Variants in GTF2E2 observed in about 807,000 individuals in gnomAD.
GTF2E2 encodes transcription initiation factor IIE subunit beta.
In GTF2E2, 21 loss-of-function variants were observed where a neutral mutation model predicts 40.5. The ratio of observed to expected loss-of-function variants is 0.52; its 90% CI spans 0.37 to 0.75. The LOEUF (loss-of-function observed/expected upper bound fraction) is 0.75, where lower values mean the gene tolerates loss of function less well. Among genes scored for constraint, GTF2E2 ranks in the 30% least tolerant of loss-of-function variants. The probability of loss-of-function intolerance (pLI) is 0.00; values close to 1 mark genes in which losing one functional copy is unlikely to be tolerated. For synonymous variants in GTF2E2, 117 were observed against 121.6 expected (o/e 0.96, Z 0.25); for missense variants, 298 against 338.4 (o/e 0.88, Z 0.94).
chr8:30,595,393 C>T (rs913686544), intron 6 of GTF2E2, among the ~76,000 whole-genome samples: 4 of 152,174 alleles, frequency 2.6e-5, no homozygotes, highest in Non-Finnish European at 5.9e-5. Flanking sequence ...CTCCTAGAAA[C>T]GTATTTGTAT....
chr8:30,584,442 T>C (rs1828614710), intron 6 of GTF2E2: 1 of 152,184 alleles, frequency 6.6e-6, no homozygotes, highest in African/African-American at 2.4e-5. Flanking sequence ...GCAGACACTT[T>C]ATTATGGCAG....
At chr8:30,654,423 G>C (rs1312600961) in intron 1 of GTF2E2, among the ~76,000 whole-genome samples, 1 of 152,052 alleles carries the variant, frequency 6.6e-6, no homozygotes, top group Non-Finnish European at 1.5e-5. Flanking sequence ...AAAATTAAGA[G>C]ACAGTGTCTC....
chr8:30,594,624 G>A lies in GTF2E2; in HGVS notation c.643+12433C>T, dbSNP rs191436971. On this transcript the variant is annotated intron_variant, in intron 6 of 7. Coordinates refer to ENST00000355904, the MANE Select transcript of GTF2E2 (RefSeq NM_002095.6). ...TATAATCCCAGCACTTTGGGAGGCCGAGGTGGGAAGATCGCCTGAGGTCAG... is the reference window on the plus strand; with the variant it reads ...TATAATCCCAGCACTTTGGGAGGCCAAGGTGGGAAGATCGCCTGAGGTCAG... 2.6e-4 allele frequency among the ~76,000 whole-genome samples: 39 copies of A among 151,266 alleles called. 1 individual carries two copies. The East Asian group carries it at 7.0e-3, about 27-fold the overall frequency.
chr8:30,614,745 A>G, intron 3 of GTF2E2, 30 bp from the exon 4 acceptor site: 1 of 1,297,898 alleles, frequency 7.7e-7, no homozygotes, highest in East Asian at 2.3e-5. Flanking sequence ...TTATTAGAAG[A>G]CAGTTTCAAA....
chr8:30,651,141 G>A lies in GTF2E2; in HGVS notation c.166+2292C>T, dbSNP rs187152204. Among the ~76,000 whole-genome samples the A allele has an allele frequency of 2.9e-3, 439 of 152,184 alleles. 3 individuals are homozygous for A. Among genetic ancestry groups the A allele is most frequent in the African/African-American group, 9.9e-3 (412 of 41,516 alleles). On this transcript the variant is annotated intron_variant, in intron 2 of 7. Coordinates refer to ENST00000355904, the MANE Select transcript of GTF2E2 (RefSeq NM_002095.6). ...GAAAAACCGAATGCTTTGCCCCTAA[G>A]ATCAGGAACAAGGCAAAGGTAGCTA...
chr8:30,630,420 T>A (rs1191675325), intron 3 of GTF2E2, among the ~76,000 whole-genome samples: 1 of 152,196 alleles, frequency 6.6e-6, no homozygotes, highest in African/African-American at 2.4e-5. Context: ...AGTTTCTAAA[T>A]CATTCTTATT....
intron 3 of GTF2E2, among the ~76,000 whole-genome samples, chr8:30,634,462 GA>G (rs372429460): frequency 2.0e-5 from 3 of 149,356 alleles, no homozygotes; most frequent in East Asian, 2.0e-4. Context: ...AAAGAAAAGG[GA>G]AAAAAAAAGA....
chr8:30,612,364 C>T lies in GTF2E2; in HGVS notation c.484G>A (p.Gly162Arg), dbSNP rs375279264. ...TCTTCTAAAAGAATTCCTCCTAATCCTCGCTGGTCATGCTGATCTAAGAGC... is the reference window on the plus strand; with the variant it reads ...TCTTCTAAAAGAATTCCTCCTAATCTTCGCTGGTCATGCTGATCTAAGAGC... ...LRLLDQHDQR[G>R]LGGILLEDIE... The change falls in exon 5 of 8, where the codon GGA (glycine) becomes AGA (arginine). Residue 162 changes from glycine to arginine, a missense_variant. Transcript: ENST00000355904. 6.2e-7 allele frequency: 1 copy of T among 1,613,098 alleles called. No homozygotes were observed. Among genetic ancestry groups the T allele is most frequent in the Non-Finnish European group, 8.5e-7 (1 of 1,179,144 alleles).
At chr8:30,643,827 T>C (rs1475216167) in intron 2 of GTF2E2, 2 of 151,222 alleles carry the variant, frequency 1.3e-5, no homozygotes, top group African/African-American at 4.9e-5. Flanking sequence ...AAAAAAAAAG[T>C]ACATGGGGTT....
intron 6 of GTF2E2, among the ~76,000 whole-genome samples, chr8:30,602,195 T>G (rs1007160281): frequency 3.6e-4 from 55 of 152,028 alleles, no homozygotes; most frequent in African/African-American, 1.3e-3. Flanking sequence ...TTTTTGTACT[T>G]TTAGGAGAAA....
At chr8:30,630,977 C>A (rs1390286848) in intron 3 of GTF2E2, among the ~76,000 whole-genome samples, 1 of 152,000 alleles carries the variant, frequency 6.6e-6, no homozygotes, top group Non-Finnish European at 1.5e-5. Flanking sequence ...AAAAGTAATG[C>A]ACAGAGAACA....
chr8:30,646,465 A>G (rs1160921460), intron 2 of GTF2E2, among the ~76,000 whole-genome samples: 2 of 151,912 alleles, frequency 1.3e-5, no homozygotes, highest in East Asian at 3.9e-4. Context: ...TGACCCTAAC[A>G]CTATTTTGCT....
intron 6 of GTF2E2, among the ~76,000 whole-genome samples, chr8:30,581,504 G>A (rs1399174694): frequency 1.3e-5 from 2 of 152,226 alleles, no homozygotes; most frequent in African/African-American, 4.8e-5. Context: ...TGATACCATG[G>A]AAATCGGTTT....
intron 2 of GTF2E2, among the ~76,000 whole-genome samples, chr8:30,644,769 A>G (rs1440432528): frequency 1.6e-5 from 2 of 121,962 alleles, no homozygotes; most frequent in African/African-American, 6.2e-5. Flanking sequence ...TTTTTTTTTG[A>G]GAAACGGTTT....
chr8:30,607,097 A>G lies in GTF2E2; in HGVS notation c.603T>C (p.Leu201=). 1 of 1,494,670 alleles carries G rather than the reference A, an allele frequency of 6.7e-7. No homozygotes were observed. The highest frequency in any genetic ancestry group is 1.2e-5 in the South Asian group (1 of 83,476). 92.6% of individuals were successfully genotyped at this position (1,494,670 alleles called of 1,614,324 possible). The change falls in exon 6 of 8, where the codon CTT becomes CTC. Residue 201 remains leucine (L), a synonymous_variant. Coordinates refer to ENST00000355904, the MANE Select transcript of GTF2E2 (RefSeq NM_002095.6). ...ACTGACAGCTCTTATCATTGAAGAAAAGTATTTTCTTCTTATCGGGACGAT... is the reference window on the plus strand; with the variant it reads ...ACTGACAGCTCTTATCATTGAAGAAGAGTATTTTCTTCTTATCGGGACGAT... ...FVNRPDKKKI[L]FFNDKSCQFS...
chr8:30,600,010 A>C (rs1240101358), intron 6 of GTF2E2, among the ~76,000 whole-genome samples: 1 of 152,126 alleles, frequency 6.6e-6, no homozygotes, highest in East Asian at 1.9e-4. Flanking sequence ...TAATGATCTA[A>C]AACAGTATGA....
At chr8:30,657,828 G>A (rs1445512836) in intron 1 of GTF2E2, 145 bp downstream of exon 1, 1 of 152,230 alleles carries the variant, frequency 6.6e-6, no homozygotes, top group African/African-American at 2.4e-5. Flanking sequence ...TTCGCGTGCT[G>A]GGTGTTTCGC....
intron 1 of GTF2E2, among the ~76,000 whole-genome samples, chr8:30,653,981 C>CG (rs1383718159): frequency 6.6e-6 from 1 of 151,022 alleles, no homozygotes; most frequent in African/African-American, 2.4e-5. Flanking sequence ...CCCAGCTACT[C>CG]GGGAGGCGGA....
intron 3 of GTF2E2, among the ~76,000 whole-genome samples, chr8:30,621,005 G>C (rs1801084838): frequency 6.6e-6 from 1 of 151,862 alleles, no homozygotes; most frequent in Non-Finnish European, 1.5e-5. Flanking sequence ...ATATGGATCT[G>C]GAAGCACATA....
Sources: gnomAD v4.1 joint callset for allele counts (sites outside exome capture counted in the v4.1 genomes callset) on GRCh38, gnomAD v4.1.1 for gene constraint, MANE v1.5 for transcripts, NCBI Gene and HGNC (gene_info 2026-07-23, HGNC 2026-07-21) for gene names.